ANKRD55: variants seen among roughly 807,000 people sequenced by gnomAD.
ANKRD55 encodes the protein ankyrin repeat domain-containing protein 55.
In ANKRD55, 41 loss-of-function variants were observed where a neutral mutation model predicts 60.6. The ratio of observed to expected loss-of-function variants is 0.68; its 90% CI spans 0.53 to 0.88. The LOEUF is 0.88. Ranked by LOEUF, ANKRD55 falls within the 40% of genes least tolerant of loss-of-function variation. ANKRD55 has a pLI of 0.00. For missense variants in ANKRD55, 732 were observed against 767.6 expected, an observed-to-expected ratio of 0.95 and a Z score of 0.55; for synonymous variants, 264 against 290.3, an observed-to-expected ratio of 0.91 and a Z score of 0.92.
intron 11 of ANKRD55, 55 bp from the exon 12 acceptor site, chr5:56,100,359 G>A: frequency 6.2e-7 from 1 of 1,606,472 alleles, no homozygotes; most frequent in Non-Finnish European, 8.5e-7. Context: ...CTAACAGGAA[G>A]GCGGCAGGAG....
At chr5:56,188,403 C>T (rs537749856) in intron 2 of ANKRD55, among the ~76,000 whole-genome samples, 1 of 152,200 alleles carries the variant, frequency 6.6e-6, no homozygotes, top group Non-Finnish European at 1.5e-5. Flanking sequence ...AAATCTTAGC[C>T]TAGGTCAATC....
At chr5:56,170,214 C>G (rs2111812253) in intron 5 of ANKRD55, among the ~76,000 whole-genome samples, 1 of 152,274 alleles carries the variant, frequency 6.6e-6, no homozygotes, top group African/African-American at 2.4e-5. Context: ...CTCTTTTGCC[C>G]TATTTAATTT....
chr5:56,200,555 C>G (rs1759340031), intron 2 of ANKRD55, among the ~76,000 whole-genome samples: 1 of 152,082 alleles, frequency 6.6e-6, no homozygotes, highest in Non-Finnish European at 1.5e-5. Flanking sequence ...TAGAGTATCT[C>G]AAGTTTTACA....
intron 7 of ANKRD55, chr5:56,137,144 G>C: frequency 7.2e-7 from 1 of 1,382,174 alleles, no homozygotes; most frequent in Non-Finnish European, 1.0e-6. Flanking sequence ...TACAGAAACA[G>C]TGTGTACCAT....
intron 2 of ANKRD55, among the ~76,000 whole-genome samples, chr5:56,210,272 T>C (rs1759630622): frequency 6.6e-6 from 1 of 152,174 alleles, no homozygotes; most frequent in African/African-American, 2.4e-5. Flanking sequence ...CTCTACCCAA[T>C]TTATTTGAAA....
rs756947677 is a variant in ANKRD55 at position 56,169,474 on chromosome 5, C to T, written c.422+1220G>A. On this transcript the variant is annotated intron_variant, in intron 5 of 11. Coordinates refer to ENST00000341048, the MANE Select transcript of ANKRD55 (RefSeq NM_024669.3). Reference sequence around the variant, plus strand: ...TCATCAAGAGGGAGTCATCCCCTCACGATGTCTATTGATTGTTAACTGTCT... The same window carrying T: ...TCATCAAGAGGGAGTCATCCCCTCATGATGTCTATTGATTGTTAACTGTCT... Among the ~76,000 whole-genome samples the T allele has an allele frequency of 1.3e-4, 20 of 151,236 alleles. No homozygotes were observed. The East Asian group carries it at 1.6e-3, about 12-fold the overall frequency.
intron 2 of ANKRD55, among the ~76,000 whole-genome samples, chr5:56,228,095 AT>A (rs1183346500): frequency 6.6e-6 from 1 of 152,162 alleles, no homozygotes; most frequent in East Asian, 1.9e-4. Context: ...CCCTAAAGAC[AT>A]GTTCTAACCT....
chr5:56,194,788 A>G (rs2111848478), intron 2 of ANKRD55, among the ~76,000 whole-genome samples: 1 of 152,282 alleles, frequency 6.6e-6, no homozygotes, highest in South Asian at 2.1e-4. Flanking sequence ...ATTTAATGCT[A>G]TTTGAGGATG....
chr5:56,157,405 C>G (rs1351637468), intron 6 of ANKRD55, among the ~76,000 whole-genome samples: 1 of 151,766 alleles, frequency 6.6e-6, no homozygotes, highest in Admixed American at 6.6e-5. Context: ...CGTCCACCAG[C>G]CCGACACATG....
rs891588692 is a variant in ANKRD55 at position 56,126,955 on chromosome 5, T to A, written c.764A>T (p.Glu255Val). 6.2e-7 allele frequency: 1 copy of A among 1,613,734 alleles called. No individual in the cohort carries two copies. The highest frequency in any genetic ancestry group is 8.5e-7 in the Non-Finnish European group (1 of 1,179,774). ...CACATCCAGAGCCTGCAGGTTACAC[T>A]CAGGGACTCTTGCCAGCTCATGAAT... ...DIIHELARVP[E>V]CNLQALDVDD... The change falls in exon 8 of 12, where the codon GAG becomes GTG. Residue 255 changes from glutamate to valine, a missense_variant. Glu to Val is a moderately radical substitution (Grantham distance 121). Coordinates refer to ENST00000341048, the MANE Select transcript of ANKRD55 (RefSeq NM_024669.3).
chr5:56,211,113 C>A (rs533058138), intron 2 of ANKRD55, among the ~76,000 whole-genome samples: 2 of 152,234 alleles, frequency 1.3e-5, no homozygotes, highest in South Asian at 4.1e-4. Flanking sequence ...GGTCCCCAGT[C>A]AAAGTTCTTA....
intron 11 of ANKRD55, among the ~76,000 whole-genome samples, 184 bp from the exon 12 acceptor site, chr5:56,100,488 A>G (rs921673713): frequency 6.6e-6 from 1 of 152,202 alleles, no homozygotes; most frequent in Non-Finnish European, 1.5e-5. Flanking sequence ...GGCTTGCTGC[A>G]TGAAGTCTGG....
chr5:56,208,695 T>C (rs1179986571), intron 2 of ANKRD55, among the ~76,000 whole-genome samples: 1 of 152,120 alleles, frequency 6.6e-6, no homozygotes, highest in Non-Finnish European at 1.5e-5. Flanking sequence ...AAGTGCTGGA[T>C]TACAGGCGTG....
intron 10 of ANKRD55, among the ~76,000 whole-genome samples, chr5:56,103,033 C>T (rs889699801): frequency 1.4e-4 from 22 of 152,182 alleles, no homozygotes; most frequent in Admixed American, 6.5e-5. Flanking sequence ...TACTGCTTTC[C>T]TGGCCACATC....
At chr5:56,127,144 T>C (rs781750671) in intron 7 of ANKRD55, 38 bp from the exon 8 acceptor site, 2 of 1,517,318 alleles carry the variant, frequency 1.3e-6, no homozygotes, top group Non-Finnish European at 8.9e-7. Context: ...TTATGTACAA[T>C]CCAGTGTTCT....
At position 56,141,349 on chromosome 5, in the gene ANKRD55, G is replaced by A. The variant is rs957824402; in HGVS notation, c.612+2452C>T. ...ACTCCTGGGCTGAGGTGATCCTCCT[G>A]CCTCAGTCTCCCAAGTAGCTGGGAT... On this transcript the variant is annotated intron_variant, in intron 7 of 11. Coordinates refer to ENST00000341048, the MANE Select transcript of ANKRD55 (RefSeq NM_024669.3). 9.2e-5 allele frequency among the ~76,000 whole-genome samples: 14 copies of A among 152,030 alleles called. 1 individual carries two copies. The highest frequency in any genetic ancestry group is 3.4e-4 in the African/African-American group (14 of 41,396).
intron 2 of ANKRD55, among the ~76,000 whole-genome samples, chr5:56,190,725 A>T (rs1183005636): frequency 6.6e-6 from 1 of 152,196 alleles, no homozygotes; most frequent in Non-Finnish European, 1.5e-5. Flanking sequence ...TCATGGCAGA[A>T]GGGTGAAAGG....
At chr5:56,107,632 C>T (rs1756524221) in intron 10 of ANKRD55, among the ~76,000 whole-genome samples, 1 of 152,090 alleles carries the variant, frequency 6.6e-6, no homozygotes, top group Non-Finnish European at 1.5e-5. Context: ...CAATGAGATG[C>T]AAGCGGAAGT....
intron 2 of ANKRD55, among the ~76,000 whole-genome samples, chr5:56,216,523 T>C (rs925156800): frequency 6.6e-6 from 1 of 152,230 alleles, no homozygotes; most frequent in South Asian, 2.1e-4. Context: ...ACAAGTCCTC[T>C]TGTGTCAGTT....
Sources: allele counts gnomAD v4.1 joint callset (sites outside exome capture counted in the v4.1 genomes callset), GRCh38; gene constraint gnomAD v4.1.1; transcripts MANE v1.5; gene names NCBI Gene and HGNC (gene_info 2026-07-23, HGNC 2026-07-21).